The following SPIDR variants were observed in gnomAD, a reference collection of about 807,000 sequenced individuals.
The protein encoded by SPIDR is DNA repair-scaffolding protein.
Under a neutral mutation model 104.6 loss-of-function variants are expected in SPIDR, and 93 were observed. The ratio of observed to expected loss-of-function variants is 0.89; its 90% CI spans 0.75 to 1.06. The LOEUF is 1.06. SPIDR is among the 50% of genes least tolerant of loss of function. The pLI, the probability that SPIDR is intolerant of heterozygous loss-of-function variation, is 0.00. For synonymous variants in SPIDR, 431 were observed against 416.9 expected, an observed-to-expected ratio of 1.03 and a Z score of -0.41; for missense variants, 1,154 against 1,111.2, an observed-to-expected ratio of 1.04 and a Z score of -0.55.
chr8:47,420,260 T>G (rs2065183920), intron 7 of SPIDR, among the ~76,000 whole-genome samples: 3 of 152,244 alleles, frequency 2.0e-5, no homozygotes, highest in Middle Eastern at 3.4e-3. Context: ...AAGTCTCTTT[T>G]TAGGTCTCTA....
intron 4 of SPIDR, among the ~76,000 whole-genome samples, chr8:47,291,784 G>A (rs2039945750): frequency 6.6e-6 from 1 of 152,172 alleles, no homozygotes; most frequent in Non-Finnish European, 1.5e-5. Flanking sequence ...TTCCCAACCT[G>A]TTCGGTAAAT....
At chr8:47,515,255 A>G (rs901225930) in intron 8 of SPIDR, among the ~76,000 whole-genome samples, 2 of 152,212 alleles carry the variant, frequency 1.3e-5, no homozygotes, top group Non-Finnish European at 2.9e-5. Flanking sequence ...CCAGTGACCT[A>G]TTTTGGTGCT....
At chr8:47,590,664 C>G (rs1289206635) in intron 8 of SPIDR, among the ~76,000 whole-genome samples, 2 of 152,072 alleles carry the variant, frequency 1.3e-5, no homozygotes, top group Admixed American at 6.6e-5. Flanking sequence ...CAGCTAGAAC[C>G]TGTTTATTGA....
At chr8:47,428,173 C>T (rs2066753843) in intron 7 of SPIDR, among the ~76,000 whole-genome samples, 1 of 152,242 alleles carries the variant, frequency 6.6e-6, no homozygotes, top group Non-Finnish European at 1.5e-5. Context: ...ATCTATCTGC[C>T]TTGGCCTCCC....
At chr8:47,379,272 G>A (rs1195352309) in intron 5 of SPIDR, among the ~76,000 whole-genome samples, 1 of 152,174 alleles carries the variant, frequency 6.6e-6, no homozygotes, top group Non-Finnish European at 1.5e-5. Flanking sequence ...AGAAGAGGCT[G>A]GGCTTGGTGG....
intron 8 of SPIDR, among the ~76,000 whole-genome samples, chr8:47,567,780 C>CTTTTTTTTTTTTTTT (rs35199139): frequency 5.6e-4 from 40 of 70,994 alleles, no homozygotes; most frequent in African/African-American, 6.5e-4. Context: ...TTTTCTTTTT[C>CTTTTTTTTTTTTTTT]TTTTTTTTTT....
At chr8:47,659,684 C>A in intron 10 of SPIDR, 1 of 982,088 alleles carries the variant, frequency 1.0e-6, no homozygotes, top group Non-Finnish European at 1.2e-6. Context: ...GGCTCCCTTG[C>A]GCTCAGGTTC....
chr8:47,568,149 A>G (rs1482340423), intron 8 of SPIDR, among the ~76,000 whole-genome samples: 3 of 152,138 alleles, frequency 2.0e-5, no homozygotes, highest in Non-Finnish European at 2.9e-5. Context: ...ATAGAAATAT[A>G]TATTAATATA....
At chr8:47,594,461 G>A (rs971599651) in intron 8 of SPIDR, among the ~76,000 whole-genome samples, 1 of 152,076 alleles carries the variant, frequency 6.6e-6, no homozygotes, top group African/African-American at 2.4e-5. Context: ...CCAATGAGGG[G>A]GGAAGTCCAG....
intron 2 of SPIDR, 62 bp from the exon 3 acceptor site, chr8:47,283,966 T>G: frequency 7.7e-7 from 1 of 1,297,074 alleles, no homozygotes; most frequent in South Asian, 1.3e-5. Context: ...TTTTGAATAT[T>G]TTATAAAAGT....
chr8:47,669,479 G>A (rs953977224), intron 10 of SPIDR, among the ~76,000 whole-genome samples: 6 of 152,142 alleles, frequency 3.9e-5, no homozygotes, highest in African/African-American at 1.4e-4. Flanking sequence ...ATGTGTGGTG[G>A]GTGTGAATAC....
chr8:47,725,445 A>G (rs903941132), intron 16 of SPIDR, among the ~76,000 whole-genome samples: 3 of 152,116 alleles, frequency 2.0e-5, no homozygotes, highest in African/African-American at 4.8e-5. Flanking sequence ...AGGCTTGAGT[A>G]TAGTGGCGTG....
intron 5 of SPIDR, chr8:47,360,866 G>T: frequency 1.0e-6 from 1 of 985,434 alleles, no homozygotes. Flanking sequence ...TCTTGGACGT[G>T]CTGGACCACA....
intron 5 of SPIDR, among the ~76,000 whole-genome samples, chr8:47,300,886 A>C (rs2041959433): frequency 6.6e-6 from 1 of 152,176 alleles, no homozygotes; most frequent in Non-Finnish European, 1.5e-5. Flanking sequence ...TCAATTTGGA[A>C]TAGGTGTGGT....
In SPIDR at chr8:47,487,518, A is replaced by G. The variant is rs1014085525; in HGVS notation, c.1097+46976A>G. Among the ~76,000 whole-genome samples the G allele has an allele frequency of 4.6e-4, 70 of 152,348 alleles. 1 individual carries two copies. Among genetic ancestry groups the G allele is most frequent in the African/African-American group, 1.5e-3 (64 of 41,578 alleles). On this transcript the variant is annotated intron_variant, in intron 8 of 19. Transcript: ENST00000297423. ...CACCTAGAGGACCTAATAGACATCT[A>G]CAGAACTCTCCACCCAAAATCAACA...
At chr8:47,481,349 A>T (rs982595328) in intron 8 of SPIDR, among the ~76,000 whole-genome samples, 2 of 152,212 alleles carry the variant, frequency 1.3e-5, no homozygotes, top group African/African-American at 4.8e-5. Context: ...TCCAAGATTG[A>T]TGGTTGGCCA....
At chr8:47,653,979 A>G in intron 10 of SPIDR, 1 of 1,253,476 alleles carries the variant, frequency 8.0e-7, no homozygotes, top group Non-Finnish European at 1.0e-6. Context: ...TTGAAAAATG[A>G]TACTTAGATG....
chr8:47,615,374 T>C (rs2064153496), intron 10 of SPIDR, among the ~76,000 whole-genome samples: 1 of 152,190 alleles, frequency 6.6e-6, no homozygotes, highest in African/African-American at 2.4e-5. Flanking sequence ...AGCCTGTGTA[T>C]GCATTTAGGT....
At chr8:47,470,880 G>A (rs946890077) in intron 8 of SPIDR, among the ~76,000 whole-genome samples, 1 of 151,940 alleles carries the variant, frequency 6.6e-6, no homozygotes, top group Non-Finnish European at 1.5e-5. Context: ...GACTACAGGT[G>A]CCCGCCACCA....
Sources: allele counts gnomAD v4.1 joint callset (sites outside exome capture counted in the v4.1 genomes callset), GRCh38; gene constraint gnomAD v4.1.1; transcripts MANE v1.5; gene names NCBI Gene and HGNC (gene_info 2026-07-23, HGNC 2026-07-21).